DENND4A: variants seen among roughly 807,000 people sequenced by gnomAD.
DENND4A encodes DENN domain containing 4A.
Under a neutral mutation model 199.3 loss-of-function variants are expected in DENND4A, and 70 were observed. The ratio of observed to expected loss-of-function variants is 0.35; its 90% CI spans 0.29 to 0.43. The LOEUF is 0.43. DENND4A is among the 20% of genes least tolerant of loss of function. The pLI, the probability that DENND4A is intolerant of heterozygous loss-of-function variation, is 1.00. For synonymous variants in DENND4A, 686 were observed against 766.9 expected (o/e 0.89, Z 1.74); for missense variants, 1,723 against 2,255.8 (o/e 0.76, Z 4.78).
intron 18 of DENND4A, among the ~76,000 whole-genome samples, chr15:65,701,400 C>T (rs1393647122): frequency 6.6e-5 from 10 of 151,992 alleles, no homozygotes. Flanking sequence ...AACCCCACCT[C>T]TCCAAAAAAT....
At chr15:65,732,692 C>T in intron 8 of DENND4A, 60 bp downstream of exon 8, 1 of 979,250 alleles carries the variant, frequency 1.0e-6, no homozygotes, top group Non-Finnish European at 1.6e-6. Context: ...TCTTATGTTA[C>T]ATTTTGACAG....
At position 65,664,669 on chromosome 15, in the gene DENND4A, G is replaced by C. The variant is rs551820127; in HGVS notation, c.5413C>G (p.Gln1805Glu). The change falls in exon 31 of 33, where the codon CAG (glutamine) becomes GAG (glutamate). Residue 1805 changes from glutamine to glutamate, a missense_variant. Physicochemically the swap from Gln to Glu is conservative, Grantham distance 29. Around this residue, in one of 6 missense-constraint regions of DENND4A, gnomAD observed 164 missense variants for 280.1 expected, o/e 0.59. Coordinates refer to ENST00000443035, the MANE Select transcript of DENND4A (RefSeq NM_001320835.1). ...TTTACCATACTTTTCAACAGTTCCTGGTTAAATGAGTTATCACTTTTTTGC... is the reference window on the plus strand; with the variant it reads ...TTTACCATACTTTTCAACAGTTCCTCGTTAAATGAGTTATCACTTTTTTGC... Reference protein sequence around the residue: ...LLQKSDNSFNQELLKSMVKSI... With the variant: ...LLQKSDNSFNEELLKSMVKSI... The C allele has an allele frequency of 3.1e-6, 5 of 1,612,656 alleles. No individual in the cohort carries two copies. The highest frequency in any genetic ancestry group is 4.2e-6 in the Non-Finnish European group (5 of 1,179,316).
chr15:65,785,259 G>C (rs545088420), intron 1 of DENND4A, among the ~76,000 whole-genome samples: 9 of 151,742 alleles, frequency 5.9e-5, no homozygotes, highest in Admixed American at 3.9e-4. Flanking sequence ...CAGCACTTTG[G>C]GGGGCCAAGG....
intron 3 of DENND4A, 144 bp downstream of exon 3, chr15:65,755,996 G>T: frequency 1.4e-6 from 1 of 720,410 alleles, no homozygotes; most frequent in South Asian, 2.1e-5. Context: ...AACAGGGAGA[G>T]AATACAGGTT....
chr15:65,686,043 G>A (rs775694884), intron 23 of DENND4A, among the ~76,000 whole-genome samples: 6 of 152,164 alleles, frequency 3.9e-5, no homozygotes, highest in Non-Finnish European at 7.3e-5. Flanking sequence ...GGATCAGCTT[G>A]TCAAATTCTA....
At chr15:65,663,206 T>TTTTA (rs1555410355) in intron 32 of DENND4A, among the ~76,000 whole-genome samples, 9 of 144,848 alleles carry the variant, frequency 6.2e-5, no homozygotes, top group African/African-American at 2.1e-4. Flanking sequence ...ATATTTTTTT[T>TTTTA]TTTTTATTTT....
chr15:65,670,006 T>C lies in DENND4A; in HGVS notation c.4640+7A>G. On this transcript the variant is annotated splice_region_variant and intron_variant, in intron 26 of 32. Transcript: ENST00000443035. Reference sequence around the variant, plus strand: ...TCCTTAAACATGAAGGAAAAAAATATCATTACCTTCCAGGTCGTCTTAAAT... The same window carrying C: ...TCCTTAAACATGAAGGAAAAAAATACCATTACCTTCCAGGTCGTCTTAAAT... 2 of 1,591,918 alleles carry C rather than the reference T, an allele frequency of 1.3e-6. No homozygotes were observed. The highest frequency in any genetic ancestry group is 1.8e-5 in the Admixed American group (1 of 56,868).
intron 1 of DENND4A, chr15:65,771,844 G>A (rs2727101): frequency 0.2 from 321,257 of 1,611,740 alleles, 39,947 homozygotes; most frequent in East Asian, 0.7. Context: ...ACTTAAAACA[G>A]CATAAGCATT....
intron 2 of DENND4A, 105 bp from the exon 3 acceptor site, chr15:65,756,577 C>T (rs909742966): frequency 1.4e-6 from 1 of 695,676 alleles, no homozygotes; most frequent in Non-Finnish European, 2.3e-6. Context: ...GCACTAGTTC[C>T]TTGATAAACA....
rs2075786755 is a variant in DENND4A at position 65,659,356 on chromosome 15, C to G, written c.*2495G>C. On this transcript the variant is annotated 3_prime_UTR_variant, in exon 33 of 33. Coordinates refer to ENST00000443035, the MANE Select transcript of DENND4A (RefSeq NM_001320835.1). ...TTTTTTTTTTTTTTTTTTTTTGAGA[C>G]AGGGTCTTGCTCTGTAATCCAGGCT... 1 of 73,996 alleles carries G rather than the reference C, an allele frequency of 1.4e-5. No individual in the cohort carries two copies. The highest frequency in any genetic ancestry group is 2.4e-5 in the Non-Finnish European group (1 of 41,604). The allele number at this position is 73,996 out of a possible 1,614,324, so 4.6% of individuals were successfully genotyped here.
intron 24 of DENND4A, among the ~76,000 whole-genome samples, chr15:65,674,199 T>A (rs1449905218): frequency 6.6e-6 from 1 of 152,146 alleles, no homozygotes; most frequent in Non-Finnish European, 1.5e-5. Context: ...AACTAAATAT[T>A]TGATATATAT....
At chr15:65,712,724 G>A (rs199610388) in intron 14 of DENND4A, among the ~76,000 whole-genome samples, 4 of 141,472 alleles carry the variant, frequency 2.8e-5, no homozygotes, top group African/African-American at 7.6e-5. Context: ...TGGCTGTTGT[G>A]TTAAAAAAAA....
intron 2 of DENND4A, among the ~76,000 whole-genome samples, chr15:65,757,942 T>C (rs1009922537): frequency 3.3e-5 from 5 of 151,832 alleles, no homozygotes; most frequent in African/African-American, 7.3e-5. Context: ...GATCGCACCA[T>C]TGCACTCCAG....
chr15:65,690,776 T>G lies in DENND4A; in HGVS notation c.3818A>C (p.Gln1273Pro). Reference sequence around the variant, plus strand: ...ATTTAATTTATCATCACATGCCCGTTGTAAATCAATGCTTGGTGTACGACT... The same window carrying G: ...ATTTAATTTATCATCACATGCCCGTGGTAAATCAATGCTTGGTGTACGACT... ...LTSRTPSIDLQRACDDKLNKK... is the reference protein window; with the variant it reads ...LTSRTPSIDLPRACDDKLNKK... The change falls in exon 23 of 33, where the codon CAA becomes CCA. Residue 1273 changes from glutamine (Q) to proline (P), a missense_variant. This residue lies in a region of DENND4A where 650 missense variants were observed against 738.1 expected (regional missense o/e 0.88). Transcript: ENST00000443035. 6.2e-7 allele frequency: 1 copy of G among 1,613,560 alleles called. No homozygotes were observed. Among genetic ancestry groups the G allele is most frequent in the Non-Finnish European group, 8.5e-7 (1 of 1,179,756 alleles).
intron 1 of DENND4A, among the ~76,000 whole-genome samples, chr15:65,778,733 A>T (rs892747561): frequency 1.3e-5 from 2 of 151,966 alleles, no homozygotes; most frequent in African/African-American, 4.8e-5. Context: ...CGTCTCTACT[A>T]AAAATACAAA....
At position 65,752,382 on chromosome 15, in the gene DENND4A, A is replaced by G; in HGVS notation, c.558T>C (p.Ser186=). 1 of 1,571,382 alleles carries G rather than the reference A, an allele frequency of 6.4e-7. No homozygotes were observed. The highest frequency in any genetic ancestry group is 1.4e-5 in the African/African-American group (1 of 72,338). Residue 186 remains serine (S), a synonymous_variant, in exon 4 of 33, where the codon AGT becomes AGC. Transcript: ENST00000443035. ...CCAGTGCAAGTAAGTCACTTACCATACTGTTATTGAGATTCTTGTCGACTT... is the reference window on the plus strand; with the variant it reads ...CCAGTGCAAGTAAGTCACTTACCATGCTGTTATTGAGATTCTTGTCGACTT... ...FCKVDKNLNN[S]MWGSAVYLCY...
intron 7 of DENND4A, among the ~76,000 whole-genome samples, chr15:65,733,659 G>T (rs2076025713): frequency 6.6e-6 from 1 of 152,190 alleles, no homozygotes; most frequent in Non-Finnish European, 1.5e-5. Flanking sequence ...TTAATGTGGG[G>T]AAAAGCAAGA....
chr15:65,695,950 A>G (rs2142121040), intron 22 of DENND4A, among the ~76,000 whole-genome samples: 1 of 152,216 alleles, frequency 6.6e-6, no homozygotes, highest in Middle Eastern at 3.4e-3. Context: ...AAGAAAAATT[A>G]TTGGGTATTG....
In DENND4A at chr15:65,702,585, G is replaced by C; in HGVS notation, c.2224-74C>G. The C allele has an allele frequency of 2.5e-6, 3 of 1,216,724 alleles. No individual in the cohort carries two copies. In the South Asian group the frequency reaches 4.2e-5, roughly 17 times the overall value. 75.4% of individuals were successfully genotyped at this position (1,216,724 alleles called of 1,614,324 possible). A position where few individuals can be genotyped will look rare whatever the true frequency, so the allele number is the denominator to read the frequency against. ...CTTTATTTAACTGAGTGCTAAACAA[G>C]TACAAGTCACATGCTTTTATAATGT... is the stretch of plus-strand genomic sequence containing the variant. On this transcript the variant is annotated intron_variant, in intron 16 of 32. Coordinates refer to ENST00000443035, the MANE Select transcript of DENND4A (RefSeq NM_001320835.1).
Sources: allele counts gnomAD v4.1 joint callset (sites outside exome capture counted in the v4.1 genomes callset), GRCh38; gene constraint gnomAD v4.1.1; regional missense constraint gnomAD v4.1.1; transcripts MANE v1.5; gene names NCBI Gene and HGNC (gene_info 2026-07-23, HGNC 2026-07-21).